Variants in VPS41 observed in about 807,000 individuals in gnomAD.
VPS41 encodes VPS41 subunit of HOPS complex.
Under a neutral mutation model 130.9 loss-of-function variants are expected in VPS41, and 85 were observed. The ratio of observed to expected loss-of-function variants is 0.65; its 90% CI spans 0.55 to 0.78. The LOEUF (loss-of-function observed/expected upper bound fraction) is 0.78, where lower values mean the gene tolerates loss of function less well. Among genes scored for constraint, VPS41 ranks in the 30% least tolerant of loss-of-function variants. The probability of loss-of-function intolerance (pLI) is 0.00; values close to 1 mark genes in which losing one functional copy is unlikely to be tolerated. For synonymous variants in VPS41, 335 were observed against 332.9 expected (o/e 1.01, Z -0.07); for missense variants, 874 against 1,018.7 (o/e 0.86, Z 1.93).
Position 38,869,276 on chromosome 7 carries a change from T to C in VPS41, c.61-23A>G, listed in dbSNP as rs3735346. On this transcript the variant is annotated intron_variant, in intron 2 of 28. Transcript: ENST00000310301. ...TTCCTGCACAAACGGCAAAGAAAAA[T>C]GACACCCGTCAGAGATTTATTTGTT... 0.33 allele frequency: 511,677 copies of C among 1,552,048 alleles called. 92,584 individuals carry two copies. Among genetic ancestry groups the C allele is most frequent in the Non-Finnish European group, 0.38 (431,765 of 1,133,076 alleles).
At chr7:38,797,027 A>T (rs1784635053) in intron 7 of VPS41, 163 bp from the exon 8 acceptor site, 3 of 753,518 alleles carry the variant, frequency 4.0e-6, no homozygotes, top group East Asian at 2.8e-5. Flanking sequence ...CCTTGGAAAG[A>T]ATTCCTAGCA....
chr7:38,829,947 G>A (rs1366361487), intron 5 of VPS41, among the ~76,000 whole-genome samples: 1 of 152,220 alleles, frequency 6.6e-6, no homozygotes, highest in Non-Finnish European at 1.5e-5. Flanking sequence ...CTGTCTTGCA[G>A]GAACTGCAGA....
chr7:38,831,120 C>A, intron 4 of VPS41: 1 of 444,176 alleles, frequency 2.3e-6, no homozygotes. Flanking sequence ...AATTGAATAT[C>A]TTCTGTTAAT....
chr7:38,782,857 C>T (rs1017397042), intron 10 of VPS41, among the ~76,000 whole-genome samples: 13 of 152,024 alleles, frequency 8.6e-5, no homozygotes, highest in East Asian at 7.7e-4. Context: ...TGGCTCACGC[C>T]TTTAATCACA....
chr7:38,760,880 G>T (rs1182580449), intron 17 of VPS41, among the ~76,000 whole-genome samples: 1 of 152,076 alleles, frequency 6.6e-6, no homozygotes, highest in Non-Finnish European at 1.5e-5. Flanking sequence ...CTTCTGTAAT[G>T]CACCAGGATT....
chr7:38,810,753 T>C (rs914289191), intron 7 of VPS41, among the ~76,000 whole-genome samples: 1 of 152,230 alleles, frequency 6.6e-6, no homozygotes, highest in East Asian at 1.9e-4. Context: ...CAGAAAGTCA[T>C]AACCTCTCAG....
chr7:38,829,734 T>C (rs1389273320), intron 5 of VPS41, among the ~76,000 whole-genome samples: 1 of 152,220 alleles, frequency 6.6e-6, no homozygotes, highest in Non-Finnish European at 1.5e-5. Context: ...TAGAAAACTG[T>C]ACATATATTG....
chr7:38,772,486 G>A (rs747209053), intron 13 of VPS41, 36 bp downstream of exon 13: 2 of 1,342,710 alleles, frequency 1.5e-6, no homozygotes, highest in Admixed American at 1.7e-5. Context: ...TGCTGTAGAT[G>A]AGTCAATACT....
chr7:38,735,260 T>C (rs1010746992), intron 25 of VPS41, among the ~76,000 whole-genome samples: 2 of 152,060 alleles, frequency 1.3e-5, no homozygotes, highest in South Asian at 2.1e-4. Context: ...AGAAGAAAAT[T>C]AGGAGCTTAT....
At chr7:38,822,741 G>C (rs775249237) in intron 5 of VPS41, among the ~76,000 whole-genome samples, 11 of 152,154 alleles carry the variant, frequency 7.2e-5, no homozygotes, top group Admixed American at 2.6e-4. Context: ...ACATTTAATA[G>C]GCAAACCATT....
intron 7 of VPS41, among the ~76,000 whole-genome samples, chr7:38,797,335 T>G (rs570205793): frequency 2.0e-5 from 3 of 152,308 alleles, no homozygotes; most frequent in African/African-American, 7.2e-5. Flanking sequence ...GAACAATGAC[T>G]TTTGAACAGT....
intron 4 of VPS41, among the ~76,000 whole-genome samples, chr7:38,850,574 C>G (rs1371279112): frequency 6.6e-6 from 1 of 152,070 alleles, no homozygotes; most frequent in East Asian, 1.9e-4. Context: ...CAATGTCTCC[C>G]TAAAAGCAAA....
In VPS41 at chr7:38,742,044, T is replaced by C; in HGVS notation, c.2200A>G (p.Met734Val). 1 of 1,613,430 alleles carries C rather than the reference T, an allele frequency of 6.2e-7. No homozygotes were observed. The highest frequency in any genetic ancestry group is 8.5e-7 in the Non-Finnish European group (1 of 1,179,680). Residue 734 changes from methionine (M) to valine (V), a missense_variant, in exon 25 of 29, where the codon ATG (methionine) becomes GTG (valine). Met to Val is a conservative substitution (Grantham distance 21). Transcript: ENST00000310301. The stretch of plus-strand genomic sequence containing the variant: ...GAATCTCTCAAATTGGGGATCTCCA[T>C]TCCTTCCTTAATACGGTGAATCAGT... ...ILLIHRIKEG[M>V]EIPNLRDSLV...
At chr7:38,734,114 G>A (rs1362625714) in intron 25 of VPS41, among the ~76,000 whole-genome samples, 1 of 152,154 alleles carries the variant, frequency 6.6e-6, no homozygotes, top group Non-Finnish European at 1.5e-5. Context: ...GAATTTCACT[G>A]AGGATAAACC....
intron 3 of VPS41, among the ~76,000 whole-genome samples, chr7:38,866,481 T>C (rs894526091): frequency 3.9e-5 from 6 of 152,138 alleles, no homozygotes; most frequent in Non-Finnish European, 8.8e-5. Context: ...AGAGGATTCA[T>C]CCGTGGCTTA....
intron 4 of VPS41, among the ~76,000 whole-genome samples, chr7:38,847,476 G>A (rs115789424): frequency 6.0e-4 from 92 of 152,158 alleles, no homozygotes; most frequent in Middle Eastern, 3.4e-3. Context: ...GGTTGTCATC[G>A]CTGAGACTAT....
intron 10 of VPS41, among the ~76,000 whole-genome samples, chr7:38,789,233 ACAGT>A (rs1784491841): frequency 6.6e-6 from 1 of 152,142 alleles, no homozygotes; most frequent in Non-Finnish European, 1.5e-5. Flanking sequence ...AAAGGAGGTG[ACAGT>A]CAGGTAGAAA....
chr7:38,900,554 A>C (rs1312221434), intron 1 of VPS41, among the ~76,000 whole-genome samples: 2 of 152,188 alleles, frequency 1.3e-5, no homozygotes, highest in Non-Finnish European at 2.9e-5. Context: ...AAAAGAAAAA[A>C]CAGAAGTCTC....
intron 7 of VPS41, among the ~76,000 whole-genome samples, chr7:38,804,767 A>G (rs1400857696): frequency 2.0e-5 from 3 of 152,236 alleles, no homozygotes; most frequent in African/African-American, 7.2e-5. Flanking sequence ...GTAGTCCCCT[A>G]TTTAGACTAC....
Sources: allele counts gnomAD v4.1 joint callset (sites outside exome capture counted in the v4.1 genomes callset), GRCh38; gene constraint gnomAD v4.1.1; transcripts MANE v1.5; gene names NCBI Gene and HGNC (gene_info 2026-07-23, HGNC 2026-07-21).